TRAK1: variants seen among roughly 807,000 people sequenced by gnomAD.
TRAK1 encodes trafficking kinesin protein 1, also known as trafficking kinesin-binding protein 1.
TRAK1 carries 33 observed loss-of-function variants against 92.1 expected under a neutral mutation model. The ratio of observed to expected loss-of-function variants is 0.36; its 90% confidence interval spans 0.27 to 0.48. TRAK1 has a LOEUF of 0.48. Among genes scored for constraint, TRAK1 ranks in the 20% least tolerant of loss-of-function variants. The probability of loss-of-function intolerance (pLI) is 0.99; values close to 1 mark genes in which losing one functional copy is unlikely to be tolerated. For synonymous variants in TRAK1, 521 were observed against 517.3 expected (o/e 1.01, Z -0.10); for missense variants, 1,123 against 1,257.9 (o/e 0.89, Z 1.62).
chr3:42,145,959 T>C (rs963503697), intron 2 of TRAK1: 1 of 263,360 alleles, frequency 3.8e-6, no homozygotes, highest in South Asian at 4.3e-5. Context: ...TTTGTCGATA[T>C]GTGTTTGGGG....
chr3:42,030,372 A>AAAAATATAT (rs540353037), intron 1 of TRAK1, among the ~76,000 whole-genome samples: 1 of 132,320 alleles, frequency 7.6e-6, no homozygotes, highest in Non-Finnish European at 1.6e-5. Context: ...TAAAAAAAAA[A>AAAAATATAT]ATATATATAT....
At chr3:42,210,967 C>CA (rs1708954512) in intron 14 of TRAK1, 1 of 985,446 alleles carries the variant, frequency 1.0e-6, no homozygotes, top group Non-Finnish European at 1.2e-6. Context: ...CACATGGTTA[C>CA]TGTTTACCCC....
At chr3:42,142,655 C>T (rs944294806) in intron 2 of TRAK1, among the ~76,000 whole-genome samples, 1 of 152,224 alleles carries the variant, frequency 6.6e-6, no homozygotes, top group African/African-American at 2.4e-5. Flanking sequence ...GCAGAAACAG[C>T]AGTCATACAC....
chr3:42,060,365 G>T (rs979778877), intron 1 of TRAK1, among the ~76,000 whole-genome samples: 1 of 152,018 alleles, frequency 6.6e-6, no homozygotes, highest in African/African-American at 2.4e-5. Context: ...GGGTGAGGGC[G>T]GGTGGTAAAG....
chr3:42,208,610 C>A (rs559804511), intron 13 of TRAK1, among the ~76,000 whole-genome samples: 2 of 152,234 alleles, frequency 1.3e-5, no homozygotes, highest in Non-Finnish European at 2.9e-5. Flanking sequence ...AGAAAGTATA[C>A]CCTTGGTAAA....
At chr3:42,158,787 C>CAAAAAAAAAAAAAA (rs149521969) in intron 2 of TRAK1, among the ~76,000 whole-genome samples, 3 of 69,518 alleles carry the variant, frequency 4.3e-5, no homozygotes, top group African/African-American at 9.2e-5. Flanking sequence ...ACAAAAAATA[C>CAAAAAAAAAAAAAA]AAAAAAAAAA....
rs560752397 is a variant in TRAK1, at chr3:42,120,389, C to T, written c.92-5031C>T. On this transcript the variant is annotated intron_variant, in intron 1 of 15. Coordinates refer to ENST00000327628, the MANE Select transcript of TRAK1 (RefSeq NM_001042646.3). ...ATTGTAACTGTGGGGAAATGGTGAC[C>T]ACAGAGAGCATAAAGGGTTCCTTTC... Among the ~76,000 whole-genome samples the T allele has an allele frequency of 6.1e-4, 93 of 152,052 alleles. No individual in the cohort carries two copies. The South Asian group carries it at 0.019, about 30-fold the overall frequency.
At chr3:42,201,078 T>C in intron 12 of TRAK1, 24 bp downstream of exon 12, 1 of 1,610,706 alleles carries the variant, frequency 6.2e-7, no homozygotes, top group South Asian at 1.1e-5. Context: ...GAGTTTTCAC[T>C]TCTCTGTTTT....
At chr3:42,157,017 G>A (rs1700609468) in intron 2 of TRAK1, among the ~76,000 whole-genome samples, 1 of 152,034 alleles carries the variant, frequency 6.6e-6, no homozygotes, top group Non-Finnish European at 1.5e-5. Flanking sequence ...GCCAGGCGTG[G>A]TGGCGGGCGC....
intron 1 of TRAK1, among the ~76,000 whole-genome samples, chr3:42,069,514 A>G (rs879498842): frequency 2.0e-5 from 3 of 152,048 alleles, no homozygotes; most frequent in African/African-American, 7.2e-5. Flanking sequence ...ATGAAATTCT[A>G]TTGGAAATAT....
intron 1 of TRAK1, among the ~76,000 whole-genome samples, chr3:42,109,652 C>G (rs1031602790): frequency 6.6e-6 from 1 of 152,096 alleles, no homozygotes; most frequent in Admixed American, 6.6e-5. Context: ...TTCATGCACA[C>G]GTATGTTTAT....
chr3:42,143,937 G>C (rs1471378670), intron 2 of TRAK1, among the ~76,000 whole-genome samples: 2 of 152,054 alleles, frequency 1.3e-5, no homozygotes, highest in East Asian at 3.9e-4. Context: ...CTTGAAGCTC[G>C]TAAAAATCAC....
intron 1 of TRAK1, among the ~76,000 whole-genome samples, chr3:42,120,622 A>G (rs1019191615): frequency 8.5e-5 from 13 of 152,156 alleles, no homozygotes; most frequent in Middle Eastern, 6.8e-3. Context: ...AGCTCACTGC[A>G]ACCTGACCTC....
intron 2 of TRAK1, chr3:42,145,686 T>A (rs2149239825): frequency 6.4e-6 from 1 of 155,832 alleles, no homozygotes; most frequent in Admixed American, 6.5e-5. Context: ...AAAAATGTAG[T>A]CAATTTGCCA....
In TRAK1 at chr3:42,199,188, A is replaced by G; in HGVS notation, c.1125A>G (p.Ala375=). Residue 375 remains alanine (A), a synonymous_variant, in exon 11 of 16, where the codon GCA becomes GCG. Transcript: ENST00000327628. ...SLGLFPMDSL[A]AEIEGTMRKE... is the part of the protein sequence containing the mutation. Reference sequence around the variant, plus strand: ...CTGGCTTTTCCCAGGATTCCTTGGCAGCAGAGATTGAGGGAACGATGCGCA... The same window carrying G: ...CTGGCTTTTCCCAGGATTCCTTGGCGGCAGAGATTGAGGGAACGATGCGCA... The G allele has an allele frequency of 6.2e-7, 1 of 1,613,560 alleles. No individual in the cohort carries two copies. Among genetic ancestry groups the G allele is most frequent in the Non-Finnish European group, 8.5e-7 (1 of 1,180,030 alleles).
chr3:42,201,666 G>A (rs570953282), intron 12 of TRAK1, among the ~76,000 whole-genome samples: 8 of 151,832 alleles, frequency 5.3e-5, no homozygotes, highest in Admixed American at 2.6e-4. Flanking sequence ...CTACAGAATA[G>A]ACATTTGTTT....
At chr3:42,178,725 A>G (rs1429198388) in intron 3 of TRAK1, among the ~76,000 whole-genome samples, 1 of 152,158 alleles carries the variant, frequency 6.6e-6, no homozygotes, top group Non-Finnish European at 1.5e-5. Flanking sequence ...TATAAATCCC[A>G]GCACTTTGGG....
At chr3:42,195,520 G>A (rs1315465078) in intron 10 of TRAK1, among the ~76,000 whole-genome samples, 1 of 152,122 alleles carries the variant, frequency 6.6e-6, no homozygotes, top group African/African-American at 2.4e-5. Flanking sequence ...GTGAGATTCT[G>A]TCCCTTCTGA....
At chr3:42,133,005 C>T (rs536766776) in intron 2 of TRAK1, among the ~76,000 whole-genome samples, 27 of 152,328 alleles carry the variant, frequency 1.8e-4, no homozygotes, top group East Asian at 7.7e-4. Flanking sequence ...ATCCCAGACC[C>T]GTTCTCTGAC....
Sources: allele counts gnomAD v4.1 joint callset (sites outside exome capture counted in the v4.1 genomes callset), GRCh38; gene constraint gnomAD v4.1.1; transcripts MANE v1.5; gene names NCBI Gene and HGNC (gene_info 2026-07-23, HGNC 2026-07-21).